The following NR3C1 variants were observed in gnomAD, a reference collection of about 807,000 sequenced individuals.
NR3C1 encodes the protein glucocorticoid receptor.
NR3C1 carries 14 observed loss-of-function variants against 74.0 expected under a neutral mutation model. That is an observed-to-expected ratio of 0.19 (90% confidence interval 0.12 to 0.30). NR3C1 has a LOEUF of 0.30. NR3C1 is among the 10% of genes least tolerant of loss of function. The pLI, the probability that NR3C1 is intolerant of heterozygous loss-of-function variation, is 1.00. For missense variants in NR3C1, 695 were observed against 909.8 expected, an observed-to-expected ratio of 0.76 and a Z score of 3.04; for synonymous variants, 308 against 332.5, an observed-to-expected ratio of 0.93 and a Z score of 0.80.
At position 143,314,097 on chromosome 5, in the gene NR3C1, T is replaced by C. The variant is rs753070898; in HGVS notation, c.1256A>G (p.Lys419Arg). 1.2e-6 allele frequency: 2 copies of C among 1,613,812 alleles called. No homozygotes were observed. The highest frequency in any genetic ancestry group is 1.7e-6 in the Non-Finnish European group (2 of 1,179,758). The change falls in exon 3 of 9, where the codon AAA becomes AGA. Residue 419 changes from lysine (K) to arginine (R), a missense_variant. Physicochemically the swap from Lys to Arg is conservative, Grantham distance 26 (BLOSUM62 2). This residue lies in a region of NR3C1 where 497 missense variants were observed against 489.5 expected (regional missense o/e 1.02). Coordinates refer to ENST00000394464, the MANE Select transcript of NR3C1 (RefSeq NM_000176.3). ...SSTATTGPPP[K>R]LCLVCSDEAS... Reference sequence around the variant, plus strand: ...TTCATCAGAGCACACCAGGCAGAGTTTGGGAGGTGGTCCTGTTGTTGCTGT... The same window carrying C: ...TTCATCAGAGCACACCAGGCAGAGTCTGGGAGGTGGTCCTGTTGTTGCTGT...
chr5:143,338,851 C>T (rs184690491), intron 2 of NR3C1, among the ~76,000 whole-genome samples: 56 of 152,302 alleles, frequency 3.7e-4, no homozygotes, highest in African/African-American at 1.3e-3. Flanking sequence ...ACTCACTACT[C>T]AATGACTCAC....
exon 1 of NR3C1, chr5:143,435,499 C>A (rs1752061257): frequency 1.1e-5 from 11 of 985,452 alleles, no homozygotes; most frequent in Non-Finnish European, 1.3e-5. Flanking sequence ...TGAAAGCAAA[C>A]CCTTACATAA....
At chr5:143,295,872 T>C (rs1817058008) in intron 6 of NR3C1, among the ~76,000 whole-genome samples, 1 of 152,218 alleles carries the variant, frequency 6.6e-6, no homozygotes, top group African/African-American at 2.4e-5. Flanking sequence ...ATTAAAGTGT[T>C]AGAATTCTTA....
In NR3C1 at chr5:143,361,459, C is replaced by T. The variant is rs190553188; in HGVS notation, c.1184+38197G>A. ...CAAGGTAATTTTTTAAACCTTAGAA[C>T]TCCTTCTTCAAAGGAAAGCTTCTCT... On this transcript the variant is annotated intron_variant, in intron 2 of 8. Coordinates refer to ENST00000394464, the MANE Select transcript of NR3C1 (RefSeq NM_000176.3). Among the ~76,000 whole-genome samples the T allele has an allele frequency of 2.0e-4, 30 of 152,268 alleles. 1 individual carries two copies. Among genetic ancestry groups the T allele is most frequent in the Non-Finnish European group, 7.3e-5 (5 of 68,028 alleles).
intron 2 of NR3C1, among the ~76,000 whole-genome samples, chr5:143,387,636 G>A (rs1234419443): frequency 6.6e-6 from 1 of 151,906 alleles, no homozygotes; most frequent in African/African-American, 2.4e-5. Flanking sequence ...TGATTTTCTT[G>A]CTATGGCTAA....
intron 6 of NR3C1, among the ~76,000 whole-genome samples, chr5:143,296,143 C>A (rs1479238920): frequency 6.6e-6 from 1 of 152,106 alleles, no homozygotes; most frequent in East Asian, 1.9e-4. Context: ...GGTACTAAAC[C>A]AATTCTTGCT....
intron 2 of NR3C1, among the ~76,000 whole-genome samples, chr5:143,386,200 T>G (rs535240388): frequency 1.1e-4 from 16 of 152,328 alleles, no homozygotes; most frequent in Admixed American, 5.9e-4. Flanking sequence ...AGGAGAAGTC[T>G]GCCTCCAGGA....
intron 7 of NR3C1, chr5:143,294,985 C>A: frequency 1.0e-6 from 1 of 985,384 alleles, no homozygotes; most frequent in Non-Finnish European, 1.2e-6. Flanking sequence ...CTCTGACAAT[C>A]CAGCTCCCAT....
chr5:143,351,291 G>A (rs187173795), intron 2 of NR3C1, among the ~76,000 whole-genome samples: 5 of 152,220 alleles, frequency 3.3e-5, no homozygotes, highest in Admixed American at 2.6e-4. Context: ...TGCCTTCAGA[G>A]TAAAACCCAA....
At chr5:143,381,559 A>G (rs1836244477) in intron 2 of NR3C1, among the ~76,000 whole-genome samples, 1 of 152,150 alleles carries the variant, frequency 6.6e-6, no homozygotes, top group Non-Finnish European at 1.5e-5. Flanking sequence ...CAAAACTATA[A>G]TAACCCAAAC....
chr5:143,340,608 G>A (rs997333674), intron 2 of NR3C1, among the ~76,000 whole-genome samples: 2 of 146,130 alleles, frequency 1.4e-5, no homozygotes, highest in African/African-American at 2.5e-5. Flanking sequence ...TCAGCCTCCC[G>A]AGTAGCTGGG....
At position 143,300,594 on chromosome 5, in the gene NR3C1, T is replaced by C; in HGVS notation, c.1638A>G (p.Ala546=). Residue 546 remains alanine, a synonymous_variant, in exon 5 of 9, where the codon GCA becomes GCG. Transcript: ENST00000394464. This position sits in a 1 kb window ranked among gnomAD's most constrained non-coding sequence, Gnocchi z 5.2. ...LEVIEPEVLY[A]GYDSSVPDST... is the part of the protein sequence containing the mutation. ...AGTCTGGAACAGAGCTATCATATCC[T>C]GCATATAACACTTCAGGTTCAATAA... 6.2e-7 allele frequency: 1 copy of C among 1,614,226 alleles called. No homozygotes were observed. The highest frequency in any genetic ancestry group is 8.5e-7 in the Non-Finnish European group (1 of 1,180,014).
chr5:143,430,152 A>T (rs17302697), intron 1 of NR3C1, among the ~76,000 whole-genome samples: 2 of 151,602 alleles, frequency 1.3e-5, no homozygotes, highest in Non-Finnish European at 2.9e-5. Context: ...AATATGGGGG[A>T]ATGCTCACAA....
chr5:143,384,123 CAG>C (rs1420746190), intron 2 of NR3C1, among the ~76,000 whole-genome samples: 1 of 152,100 alleles, frequency 6.6e-6, no homozygotes, highest in Non-Finnish European at 1.5e-5. Context: ...GAGGAGGAGA[CAG>C]AGAGAGAAGG....
exon 1 of NR3C1, chr5:143,435,045 T>G: frequency 1.0e-6 from 1 of 985,378 alleles, no homozygotes; most frequent in Non-Finnish European, 1.2e-6. Flanking sequence ...TCAGCAGATA[T>G]TCCCCCAGGC....
chr5:143,289,040 C>T (rs574806352), intron 7 of NR3C1, among the ~76,000 whole-genome samples: 35 of 148,530 alleles, frequency 2.4e-4, no homozygotes, highest in African/African-American at 8.5e-4. Context: ...CCACTGCACT[C>T]CAGCCTGGGC....
chr5:143,285,265 CAGAAGCAAGGCTAAAT>C (rs909317607), intron 7 of NR3C1, among the ~76,000 whole-genome samples: 5 of 152,238 alleles, frequency 3.3e-5, no homozygotes, highest in African/African-American at 1.2e-4. Context: ...GGCCACATCT[CAGAAGCAAGGCTAAAT>C]TAGTCCCAGA....
At chr5:143,388,213 T>A (rs4912907) in intron 2 of NR3C1, among the ~76,000 whole-genome samples, 149,430 of 152,308 alleles carry the variant, frequency 0.98, 73,368 homozygotes, top group East Asian at 1. Flanking sequence ...TTAGAGACTG[T>A]CAATTGAAAA....
At chr5:143,360,041 A>G (rs1831936395) in intron 2 of NR3C1, among the ~76,000 whole-genome samples, 1 of 152,254 alleles carries the variant, frequency 6.6e-6, no homozygotes, top group East Asian at 1.9e-4. Context: ...TAGGAAATGC[A>G]TGTGCAAATG....
Sources: gnomAD v4.1 joint callset for allele counts (sites outside exome capture counted in the v4.1 genomes callset) on GRCh38, gnomAD v4.1.1 for gene constraint, gnomAD v4.1.1 regional missense constraint, Gnocchi (gnomAD v3.1) non-coding constraint, MANE v1.5 for transcripts, NCBI Gene and HGNC (gene_info 2026-07-23, HGNC 2026-07-21) for gene names.